The following PRDM10 variants were observed in gnomAD, a reference collection of about 807,000 sequenced individuals.
PRDM10 encodes the protein PR domain zinc finger protein 10.
In PRDM10, 65 loss-of-function variants were observed where a neutral mutation model predicts 133.1. The observed-to-expected ratio is 0.49, with a 90% CI of 0.40 to 0.60. PRDM10 has a LOEUF of 0.60. Among genes scored for constraint, PRDM10 ranks in the 20% least tolerant of loss-of-function variants. The probability of loss-of-function intolerance (pLI) is 0.00; values close to 1 mark genes in which losing one functional copy is unlikely to be tolerated. For missense variants in PRDM10, 1,137 were observed against 1,507.1 expected (o/e 0.75, Z 4.07); for synonymous variants, 582 against 580.4 (o/e 1.00, Z -0.04).
At position 129,944,819 on chromosome 11, in the gene PRDM10, C is replaced by T. The variant is rs529718626; in HGVS notation, c.714G>A (p.Gly238=). 2.1e-5 allele frequency: 34 copies of T among 1,613,790 alleles called. No individual in the cohort carries two copies. In the South Asian group the frequency reaches 2.7e-4, roughly 13 times the overall value. ...TCAGCTCCGAGCCCCTGACGAGAGG[C>T]CCCTCCACGGGGCCAAACTGGGTGC... ...PKRTQFGPVE[G]PLVRGSELKD... The change falls in exon 6 of 21, where the codon GGG becomes GGA. Residue 238 remains glycine (G), a synonymous_variant. Transcript: ENST00000360871.
chr11:129,940,354 A>G (rs1183869932), intron 7 of PRDM10, among the ~76,000 whole-genome samples: 2 of 152,314 alleles, frequency 1.3e-5, no homozygotes, highest in East Asian at 3.9e-4. Flanking sequence ...CCTCTGATTA[A>G]CATTCAATGA....
intron 1 of PRDM10, among the ~76,000 whole-genome samples, chr11:129,986,495 T>C (rs897473199): frequency 4.6e-5 from 7 of 152,174 alleles, no homozygotes; most frequent in African/African-American, 1.7e-4. Context: ...GTTCAAGCAA[T>C]TGAACCTCAG....
At chr11:129,983,444 C>G (rs1938232634) in intron 1 of PRDM10, among the ~76,000 whole-genome samples, 2 of 151,306 alleles carry the variant, frequency 1.3e-5, no homozygotes, top group Admixed American at 6.6e-5. Context: ...ACAGGTGCCC[C>G]CCACCGCGCC....
intron 1 of PRDM10, among the ~76,000 whole-genome samples, chr11:129,992,087 G>A (rs1023751049): frequency 7.2e-5 from 11 of 152,148 alleles, no homozygotes; most frequent in Admixed American, 1.3e-4. Context: ...CTTTGTAAAC[G>A]CTTAACCAGA....
chr11:129,944,937 G>A lies in PRDM10; in HGVS notation c.596C>T (p.Pro199Leu), dbSNP rs1277977356. ...GCTCGCCCTGGCCCGGGTGAGCACC[G>A]GCCGGTTGGGGATCGGGTGCAAGGG... The part of the protein sequence containing the change: ...HGPLHPIPNR[P>L]VLTRARASLP... Residue 199 changes from proline (P) to leucine (L), a missense_variant, in exon 6 of 21, where the codon CCG (proline) becomes CTG (leucine). Around this residue, in one of 6 missense-constraint regions of PRDM10, gnomAD observed 635 missense variants for 835.2 expected, o/e 0.76. Transcript: ENST00000360871. The A allele has an allele frequency of 3.1e-6, 5 of 1,613,838 alleles. No individual in the cohort carries two copies. The highest frequency in any genetic ancestry group is 2.2e-5 in the East Asian group (1 of 44,862).
chr11:129,995,836 C>CT (rs1939032977), intron 1 of PRDM10, among the ~76,000 whole-genome samples: 1 of 152,030 alleles, frequency 6.6e-6, no homozygotes, highest in Admixed American at 6.6e-5. Flanking sequence ...ATCCCAGCTA[C>CT]TTGGGGGGCT....
At chr11:129,941,365 T>C (rs956198507) in intron 7 of PRDM10, among the ~76,000 whole-genome samples, 1 of 152,222 alleles carries the variant, frequency 6.6e-6, no homozygotes, top group Non-Finnish European at 1.5e-5. Flanking sequence ...AGAATTATTA[T>C]TTAGATAAAT....
intron 2 of PRDM10, among the ~76,000 whole-genome samples, chr11:129,958,982 G>A (rs762342492): frequency 6.6e-6 from 1 of 152,200 alleles, no homozygotes; most frequent in Admixed American, 6.5e-5. Flanking sequence ...GCCTGATATT[G>A]AAGGTCTGGA....
chr11:129,937,689 T>A lies in PRDM10; in HGVS notation c.967-19A>T, dbSNP rs753746653. On this transcript the variant is annotated intron_variant, in intron 7 of 20. Transcript: ENST00000360871. ...ACCACACCTGCAAGAAGCAAGTATA[T>A]CATCAAGAACTGGGGACATCACCAG... The A allele has an allele frequency of 6.2e-7, 1 of 1,608,204 alleles. No individual in the cohort carries two copies. Among genetic ancestry groups the A allele is most frequent in the Non-Finnish European group, 8.5e-7 (1 of 1,176,916 alleles).
chr11:129,925,874 C>T (rs1950664883), intron 11 of PRDM10, among the ~76,000 whole-genome samples: 1 of 152,132 alleles, frequency 6.6e-6, no homozygotes, highest in Non-Finnish European at 1.5e-5. Context: ...GTGAAGATTG[C>T]ACAGCTTCAG....
At chr11:129,970,417 G>T (rs551171291) in intron 1 of PRDM10, among the ~76,000 whole-genome samples, 4 of 150,344 alleles carry the variant, frequency 2.7e-5, no homozygotes, top group Non-Finnish European at 5.9e-5. Flanking sequence ...GCACGAGGCC[G>T]CCTAGCCCAC....
At chr11:129,975,857 A>G (rs73577269) in intron 1 of PRDM10, among the ~76,000 whole-genome samples, 7,857 of 152,286 alleles carry the variant, frequency 0.052, 676 homozygotes, top group African/African-American at 0.18. Flanking sequence ...GAGGTGAACA[A>G]TCAATAGCAG....
chr11:129,990,000 C>T (rs890630448), intron 1 of PRDM10, among the ~76,000 whole-genome samples: 3 of 151,242 alleles, frequency 2.0e-5, no homozygotes, highest in Admixed American at 6.6e-5. Flanking sequence ...ATCAGGAGTT[C>T]GAGACCAGCC....
chr11:129,910,802 G>A (rs568496868), intron 18 of PRDM10, 146 bp from the exon 19 acceptor site: 29 of 839,356 alleles, frequency 3.5e-5, no homozygotes, highest in Admixed American at 1.1e-4. Flanking sequence ...TTGAGATGGA[G>A]TTTCACTCTT....
intron 19 of PRDM10, among the ~76,000 whole-genome samples, chr11:129,906,752 C>T (rs567175735): frequency 5.3e-5 from 8 of 152,134 alleles, no homozygotes; most frequent in South Asian, 2.1e-4. Flanking sequence ...CCAAGGCAGG[C>T]GGATCACTTG....
chr11:129,916,976 G>T (rs1301837608), intron 15 of PRDM10, 151 bp downstream of exon 15: 2 of 512,278 alleles, frequency 3.9e-6, no homozygotes, highest in Non-Finnish European at 6.6e-6. Context: ...TGTATTTCTA[G>T]TCCTTTCTTG....
intron 9 of PRDM10, among the ~76,000 whole-genome samples, chr11:129,934,418 C>T (rs184944698): frequency 6.6e-6 from 1 of 152,308 alleles, no homozygotes; most frequent in African/African-American, 2.4e-5. Context: ...TGGCATGAGC[C>T]TACTCCAAAC....
At chr11:129,942,092 T>C (rs1007140567) in intron 7 of PRDM10, among the ~76,000 whole-genome samples, 1 of 152,172 alleles carries the variant, frequency 6.6e-6, no homozygotes, top group African/African-American at 2.4e-5. Flanking sequence ...AATGGGGTTT[T>C]GCCATGTTGA....
chr11:129,986,226 G>A (rs1938435092), intron 1 of PRDM10, among the ~76,000 whole-genome samples: 1 of 150,646 alleles, frequency 6.6e-6, no homozygotes. Flanking sequence ...TGTGGCTTAG[G>A]ATGGCAACAA....
Sources: allele counts gnomAD v4.1 joint callset (sites outside exome capture counted in the v4.1 genomes callset), GRCh38; gene constraint gnomAD v4.1.1; regional missense constraint gnomAD v4.1.1; transcripts MANE v1.5; gene names NCBI Gene and HGNC (gene_info 2026-07-23, HGNC 2026-07-21).